The following RAPGEF1 variants were observed in gnomAD, a reference collection of about 807,000 sequenced individuals.
RAPGEF1 encodes CRK SH3-binding GNRP.
RAPGEF1 carries 33 observed loss-of-function variants against 143.3 expected under a neutral mutation model. The observed-to-expected ratio is 0.23, with a 90% CI of 0.17 to 0.31. The LOEUF (loss-of-function observed/expected upper bound fraction) is 0.31, where lower values mean the gene tolerates loss of function less well. RAPGEF1 is among the 10% of genes least tolerant of loss of function. The pLI, the probability that RAPGEF1 is intolerant of heterozygous loss-of-function variation, is 1.00. For missense variants in RAPGEF1, 1,199 were observed against 1,645.4 expected (o/e 0.73, Z 4.69); for synonymous variants, 629 against 676.5 (o/e 0.93, Z 1.09).
intron 1 of RAPGEF1, among the ~76,000 whole-genome samples, chr9:131,736,973 TGTC>T (rs1837460353): frequency 6.6e-6 from 1 of 151,920 alleles, no homozygotes; most frequent in African/African-American, 2.4e-5. Context: ...TCTAACAAAA[TGTC>T]GTCTAAATGC....
At chr9:131,739,522 C>T (rs1209915959) in intron 1 of RAPGEF1, among the ~76,000 whole-genome samples, 1 of 151,438 alleles carries the variant, frequency 6.6e-6, no homozygotes, top group Non-Finnish European at 1.5e-5. Context: ...GCGCGCCCGG[C>T]CCCGGGTTGC....
At chr9:131,623,710 G>A (rs1001640578) in intron 10 of RAPGEF1, among the ~76,000 whole-genome samples, 4 of 152,178 alleles carry the variant, frequency 2.6e-5, no homozygotes, top group Admixed American at 6.5e-5. Flanking sequence ...TTCAGGTGCC[G>A]GACAGTGATC....
intron 1 of RAPGEF1, among the ~76,000 whole-genome samples, chr9:131,711,560 G>A (rs1008833182): frequency 2.2e-4 from 34 of 152,152 alleles, no homozygotes; most frequent in Admixed American, 2.0e-3. Context: ...GATCTGCCAC[G>A]TTGGCCAGGC....
intron 1 of RAPGEF1, among the ~76,000 whole-genome samples, chr9:131,660,570 C>G (rs73561706): frequency 0.024 from 3,705 of 152,178 alleles, 155 homozygotes; most frequent in African/African-American, 0.084. Context: ...TGAATAGATT[C>G]TAACTTCTGC....
intron 1 of RAPGEF1, among the ~76,000 whole-genome samples, chr9:131,663,895 C>CTATGTGAATG (rs1830005311): frequency 6.6e-6 from 1 of 152,190 alleles, no homozygotes; most frequent in Non-Finnish European, 1.5e-5. Flanking sequence ...TTGGCATCCA[C>CTATGTGAATG]TGATGATCCT....
At chr9:131,637,744 T>C (rs1966753213) in intron 5 of RAPGEF1, among the ~76,000 whole-genome samples, 1 of 152,222 alleles carries the variant, frequency 6.6e-6, no homozygotes, top group Non-Finnish European at 1.5e-5. Context: ...AGAAGCATTA[T>C]GTGTATTGAC....
intron 1 of RAPGEF1, among the ~76,000 whole-genome samples, chr9:131,684,665 A>G (rs1005639377): frequency 6.6e-6 from 1 of 152,246 alleles, no homozygotes; most frequent in Non-Finnish European, 1.5e-5. Context: ...CAAAGACAGA[A>G]GCAGAACAAC....
In RAPGEF1 at chr9:131,713,508, G is replaced by C. The variant is rs1049550824; in HGVS notation, c.61+26262C>G. ...CAGTGTGAAGGAATTGGCTTTGAAG[G>C]CCAGCTGGCCTGGTTTGAATCTATG... On this transcript the variant is annotated intron_variant, in intron 1 of 26. Transcript: ENST00000683357. Among the ~76,000 whole-genome samples the C allele has an allele frequency of 2.6e-5, 4 of 152,312 alleles. No homozygotes were observed. The East Asian group carries it at 7.7e-4, about 29-fold the overall frequency.
At chr9:131,613,478 C>G (rs1023740386) in intron 12 of RAPGEF1, among the ~76,000 whole-genome samples, 1 of 152,110 alleles carries the variant, frequency 6.6e-6, no homozygotes, top group African/African-American at 2.4e-5. Flanking sequence ...ACTGCAGAGG[C>G]AGGAAGGCCA....
intron 1 of RAPGEF1, among the ~76,000 whole-genome samples, chr9:131,661,177 T>A (rs1973974828): frequency 6.6e-6 from 1 of 152,144 alleles, no homozygotes; most frequent in Non-Finnish European, 1.5e-5. Flanking sequence ...GAGGTCACCA[T>A]CAGACATGTA....
chr9:131,589,529 C>T (rs1385549676), intron 19 of RAPGEF1, among the ~76,000 whole-genome samples: 2 of 152,178 alleles, frequency 1.3e-5, no homozygotes, highest in Non-Finnish European at 1.5e-5. Flanking sequence ...CACTGAGGAG[C>T]GAGGGAGAGG....
chr9:131,737,523 C>T (rs1486446921), intron 1 of RAPGEF1: 33 of 1,611,532 alleles, frequency 2.0e-5, no homozygotes, highest in African/African-American at 4.0e-5. Context: ...TAGCAGAAGG[C>T]GGTGCCCAGA....
intron 1 of RAPGEF1, among the ~76,000 whole-genome samples, chr9:131,694,591 A>C (rs2131047883): frequency 6.6e-6 from 1 of 151,826 alleles, no homozygotes; most frequent in Middle Eastern, 3.4e-3. Context: ...TTCAATACCT[A>C]CCAGGTCCCC....
intron 12 of RAPGEF1, among the ~76,000 whole-genome samples, chr9:131,613,957 A>ATAACCTGAAGCACT (rs1958455979): frequency 6.6e-6 from 1 of 152,200 alleles, no homozygotes. Context: ...ACGGTGTGAA[A>ATAACCTGAAGCACT]TAACCTGAAG....
chr9:131,707,608 T>A (rs1409334591), intron 1 of RAPGEF1, among the ~76,000 whole-genome samples: 1 of 152,152 alleles, frequency 6.6e-6, no homozygotes, highest in African/African-American at 2.4e-5. Context: ...GCCTGGCTAA[T>A]TTTTGTATTT....
At chr9:131,603,934 T>A (rs1956689252) in intron 14 of RAPGEF1, 27 bp downstream of exon 14, 1 of 1,282,206 alleles carries the variant, frequency 7.8e-7, no homozygotes. Context: ...CCAGGCCACA[T>A]GCAGGAGGCC....
Position 131,668,244 on chromosome 9 carries a change from C to T in RAPGEF1, c.62-17295G>A, listed in dbSNP as rs1174437865. Among the ~76,000 whole-genome samples, 4 of 152,300 alleles carry T rather than the reference C, an allele frequency of 2.6e-5. No homozygotes were observed. The East Asian group carries it at 5.8e-4, about 22-fold the overall frequency. On this transcript the variant is annotated intron_variant, in intron 1 of 26. Transcript: ENST00000683357. ...ATGCTGCTTGAGGGGATGGAAGGGA[C>T]GCCTCTGAGACTCAGAGCGGCTTCC...
At chr9:131,733,297 A>G (rs1239214982) in intron 1 of RAPGEF1, among the ~76,000 whole-genome samples, 1 of 143,694 alleles carries the variant, frequency 7.0e-6, no homozygotes. Flanking sequence ...ATGTATACCT[A>G]TGTAACAAAC....
chr9:131,716,018 AGCCC>A (rs915511297), intron 1 of RAPGEF1, among the ~76,000 whole-genome samples: 3 of 152,118 alleles, frequency 2.0e-5, no homozygotes, highest in Admixed American at 6.6e-5. Context: ...TCCCACAGCT[AGCCC>A]GCCGACCCAC....
Sources: gnomAD v4.1 joint callset for allele counts (sites outside exome capture counted in the v4.1 genomes callset) on GRCh38, gnomAD v4.1.1 for gene constraint, MANE v1.5 for transcripts, NCBI Gene and HGNC (gene_info 2026-07-23, HGNC 2026-07-21) for gene names.